NRXN1: variants seen among roughly 807,000 people sequenced by gnomAD.
The protein encoded by NRXN1 is neurexin-1.
In NRXN1, 39 loss-of-function variants were observed where a neutral mutation model predicts 150.9. The observed-to-expected ratio is 0.26, with a 90% confidence interval of 0.20 to 0.34. The LOEUF (loss-of-function observed/expected upper bound fraction) is 0.34. Ranked by LOEUF, NRXN1 falls within the 10% of genes least tolerant of loss-of-function variation. The pLI, the probability that NRXN1 is intolerant of heterozygous loss-of-function variation, is 1.00. For missense variants in NRXN1, 1,815 were observed against 1,949.9 expected (o/e 0.93, Z 1.30); for synonymous variants, 924 against 757.0 (o/e 1.22, Z -3.62).
chr2:50,504,525 C>T (rs1464978122), intron 13 of NRXN1, among the ~76,000 whole-genome samples: 1 of 152,060 alleles, frequency 6.6e-6, no homozygotes, highest in African/African-American at 2.4e-5. Context: ...ATTTTTGGAA[C>T]TTTTTATAAA....
chr2:50,047,530 A>C (rs769851683), intron 21 of NRXN1, among the ~76,000 whole-genome samples: 1 of 152,116 alleles, frequency 6.6e-6, no homozygotes, highest in Non-Finnish European at 1.5e-5. Context: ...TAATGCTGCC[A>C]GTGGCACTAT....
intron 17 of NRXN1, among the ~76,000 whole-genome samples, chr2:50,403,696 T>C (rs1323122943): frequency 6.6e-6 from 1 of 152,168 alleles, no homozygotes; most frequent in African/African-American, 2.4e-5. Flanking sequence ...TTTTACAGCT[T>C]TGTAATACTA....
intron 8 of NRXN1, among the ~76,000 whole-genome samples, chr2:50,570,253 G>T (rs775286543): frequency 1.8e-4 from 28 of 151,956 alleles, no homozygotes; most frequent in Non-Finnish European, 2.8e-4. Flanking sequence ...TGGCAGCAGA[G>T]TACTGGGGGC....
chr2:50,310,645 T>A (rs996362803), intron 17 of NRXN1, among the ~76,000 whole-genome samples: 9 of 152,172 alleles, frequency 5.9e-5, no homozygotes, highest in Non-Finnish European at 1.0e-4. Context: ...TATTAATCAA[T>A]CTGATACTTC....
At chr2:49,995,866 A>G (rs1682889678) in intron 21 of NRXN1, among the ~76,000 whole-genome samples, 1 of 126,382 alleles carries the variant, frequency 7.9e-6, no homozygotes, top group Non-Finnish European at 1.8e-5. Flanking sequence ...GATAGTAAAA[A>G]AAAAAAAAAA....
At chr2:50,632,570 G>A (rs1682529916) in intron 5 of NRXN1, 1 of 152,004 alleles carries the variant, frequency 6.6e-6, no homozygotes, top group South Asian at 2.1e-4. Context: ...ACTCTGTATT[G>A]TAACCCGATC....
At chr2:50,129,442 A>C (rs2152745475) in intron 18 of NRXN1, among the ~76,000 whole-genome samples, 1 of 152,344 alleles carries the variant, frequency 6.6e-6, no homozygotes, top group South Asian at 2.1e-4. Context: ...ATGGAAAATA[A>C]ATTGTAGAAA....
chr2:50,571,439 C>T (rs557251194), intron 8 of NRXN1, among the ~76,000 whole-genome samples: 5 of 152,240 alleles, frequency 3.3e-5, no homozygotes, highest in Non-Finnish European at 7.4e-5. Context: ...CATTCTCTGT[C>T]ACCTTAATTA....
intron 5 of NRXN1, among the ~76,000 whole-genome samples, chr2:50,836,901 GGTTT>G (rs1348613768): frequency 6.7e-6 from 1 of 148,888 alleles, no homozygotes; most frequent in Non-Finnish European, 1.5e-5. Flanking sequence ...GAAACCAATT[GGTTT>G]GTGTAAATTA....
intron 21 of NRXN1, among the ~76,000 whole-genome samples, chr2:49,996,628 A>G (rs959194776): frequency 1.3e-5 from 2 of 152,182 alleles, no homozygotes; most frequent in African/African-American, 4.8e-5. Context: ...TCAGAGAGAG[A>G]GCTATACTAA....
intron 17 of NRXN1, among the ~76,000 whole-genome samples, chr2:50,361,472 A>G (rs1252511687): frequency 6.6e-6 from 1 of 152,202 alleles, no homozygotes; most frequent in Non-Finnish European, 1.5e-5. Context: ...CCATCAAAGA[A>G]CACTATAAAC....
At chr2:50,831,795 C>T (rs1559326644) in intron 5 of NRXN1, among the ~76,000 whole-genome samples, 1 of 152,130 alleles carries the variant, frequency 6.6e-6, no homozygotes, top group Non-Finnish European at 1.5e-5. Context: ...GTCATGCGAA[C>T]AGTTAGTTTG....
intron 17 of NRXN1, among the ~76,000 whole-genome samples, chr2:50,417,709 G>A (rs1033336087): frequency 1.3e-5 from 2 of 151,946 alleles, no homozygotes; most frequent in Non-Finnish European, 2.9e-5. Context: ...GAGGGAGAAG[G>A]CAAGGCTTTC....
At chr2:50,528,800 C>A (rs866267720) in intron 11 of NRXN1, 149 bp from the exon 12 acceptor site, 1 of 523,172 alleles carries the variant, frequency 1.9e-6, no homozygotes, top group Middle Eastern at 2.8e-4. Context: ...ACTTATAAAG[C>A]CCAGATGTTT....
intron 5 of NRXN1, among the ~76,000 whole-genome samples, chr2:50,846,171 C>T (rs940215230): frequency 2.0e-5 from 3 of 152,044 alleles, no homozygotes; most frequent in Non-Finnish European, 2.9e-5. Context: ...TTCTGAACCA[C>T]GGGTGACCTT....
chr2:50,603,567 T>C (rs1046992391), intron 8 of NRXN1, among the ~76,000 whole-genome samples: 3 of 152,186 alleles, frequency 2.0e-5, no homozygotes, highest in Non-Finnish European at 4.4e-5. Flanking sequence ...ATGGTAGTGG[T>C]AGAAAATTCT....
chr2:50,626,571 G>GA (rs1681121563), intron 5 of NRXN1, among the ~76,000 whole-genome samples: 1 of 151,880 alleles, frequency 6.6e-6, no homozygotes, highest in African/African-American at 2.4e-5. Context: ...TTATTCATAA[G>GA]AAAAAAGTGA....
chr2:50,318,724 TATATCATTTACTGATAC>T, intron 17 of NRXN1, among the ~76,000 whole-genome samples: 2 of 152,200 alleles, frequency 1.3e-5, no homozygotes, highest in Admixed American at 1.3e-4. Context: ...AAGTAAACAG[TATATCATTTACTGATAC>T]ATGCATATAT....
At chr2:50,207,751 G>T (rs1259144422) in intron 18 of NRXN1, 1 of 167,172 alleles carries the variant, frequency 6.0e-6, no homozygotes, top group Non-Finnish European at 1.5e-5. Context: ...TCTAATAATT[G>T]TTCTAATCCA....
Sources: allele counts gnomAD v4.1 joint callset (sites outside exome capture counted in the v4.1 genomes callset), GRCh38; gene constraint gnomAD v4.1.1; transcripts MANE v1.5; gene names NCBI Gene and HGNC (gene_info 2026-07-23, HGNC 2026-07-21).